The following PTPRD variants were observed in gnomAD, a reference collection of about 807,000 sequenced individuals.
PTPRD encodes receptor-type tyrosine-protein phosphatase delta.
A neutral mutation model predicts 214.5 loss-of-function variants in PTPRD; 34 were observed. That is an observed-to-expected ratio of 0.16 (90% confidence interval 0.12 to 0.21). The LOEUF (loss-of-function observed/expected upper bound fraction) is 0.21. Among genes scored for constraint, PTPRD ranks in the 10% least tolerant of loss-of-function variants. The pLI is 1.00. For synonymous variants in PTPRD, 1,128 were observed against 845.7 expected, an observed-to-expected ratio of 1.33 and a Z score of -5.79; for missense variants, 2,545 against 2,398.7, an observed-to-expected ratio of 1.06 and a Z score of -1.27.
chr9:8,998,817 C>T (rs114471718), intron 11 of PTPRD, among the ~76,000 whole-genome samples: 68 of 152,070 alleles, frequency 4.5e-4, no homozygotes, highest in African/African-American at 1.6e-3. Flanking sequence ...AAAATATCAA[C>T]ATTAATAGTT....
intron 21 of PTPRD, among the ~76,000 whole-genome samples, chr9:8,516,268 C>A (rs1035271723): frequency 6.6e-6 from 1 of 152,034 alleles, no homozygotes; most frequent in Non-Finnish European, 1.5e-5. Context: ...CATATTACTA[C>A]AGCAAATAAA....
chr9:9,175,258 C>T (rs1012259847), intron 10 of PTPRD, among the ~76,000 whole-genome samples: 3 of 152,020 alleles, frequency 2.0e-5, no homozygotes, highest in African/African-American at 7.2e-5. Context: ...AACAATTAAC[C>T]ACTAAAATCT....
chr9:9,325,777 C>T (rs1467906332), intron 9 of PTPRD, among the ~76,000 whole-genome samples: 1 of 152,136 alleles, frequency 6.6e-6, no homozygotes, highest in Non-Finnish European at 1.5e-5. Context: ...TGCCAGTTTT[C>T]AAAGGGAATG....
intron 12 of PTPRD, among the ~76,000 whole-genome samples, chr9:8,681,285 A>C (rs951821394): frequency 1.3e-5 from 2 of 152,200 alleles, no homozygotes; most frequent in African/African-American, 4.8e-5. Context: ...TTTTATTTAC[A>C]TGTTTGTTTC....
intron 7 of PTPRD, among the ~76,000 whole-genome samples, chr9:9,657,764 C>G (rs776004685): frequency 8.5e-5 from 13 of 152,192 alleles, no homozygotes; most frequent in Admixed American, 3.3e-4. Flanking sequence ...AGGCTTGCCA[C>G]ATGGGGGCAA....
intron 9 of PTPRD, among the ~76,000 whole-genome samples, chr9:9,359,384 C>T (rs1269853369): frequency 1.3e-5 from 2 of 151,244 alleles, no homozygotes; most frequent in Admixed American, 1.3e-4. Context: ...CATGACTTCA[C>T]ATTCAATTTC....
intron 5 of PTPRD, among the ~76,000 whole-genome samples, chr9:9,822,606 G>A (rs2051182692): frequency 6.7e-6 from 1 of 150,152 alleles, no homozygotes; most frequent in Non-Finnish European, 1.5e-5. Flanking sequence ...TAAATTATTT[G>A]TAATGTTATT....
chr9:9,631,410 A>G (rs2095590182), intron 7 of PTPRD, among the ~76,000 whole-genome samples: 1 of 152,132 alleles, frequency 6.6e-6, no homozygotes, highest in African/African-American at 2.4e-5. Flanking sequence ...TTCAGCCACA[A>G]GTTATTCTTT....
intron 5 of PTPRD, among the ~76,000 whole-genome samples, chr9:9,875,240 T>C (rs554010356): frequency 2.0e-5 from 3 of 152,112 alleles, no homozygotes; most frequent in Non-Finnish European, 4.4e-5. Flanking sequence ...ATCCTTTATG[T>C]TTATTTTACA....
intron 14 of PTPRD, among the ~76,000 whole-genome samples, chr9:8,600,953 G>A (rs2094820335): frequency 6.6e-6 from 1 of 152,058 alleles, no homozygotes; most frequent in Non-Finnish European, 1.5e-5. Flanking sequence ...TAAAGCACCA[G>A]GCAGGCTCTC....
intron 26 of PTPRD, among the ~76,000 whole-genome samples, chr9:8,493,209 A>T (rs766740139): frequency 4.6e-5 from 7 of 152,164 alleles, no homozygotes; most frequent in Non-Finnish European, 1.0e-4. Context: ...TTAGTCAAAG[A>T]CATGAAATCT....
chr9:9,916,815 G>C (rs1934958644), intron 5 of PTPRD, among the ~76,000 whole-genome samples: 2 of 151,934 alleles, frequency 1.3e-5, no homozygotes, highest in Admixed American at 6.6e-5. Flanking sequence ...CTCCAGGATT[G>C]ACATGTTAGG....
chr9:9,450,095 GGTGTGTGTGT>G (rs535344466), intron 8 of PTPRD, among the ~76,000 whole-genome samples: 5 of 146,010 alleles, frequency 3.4e-5, no homozygotes, highest in South Asian at 2.2e-4. Flanking sequence ...AGTATTCCAT[GGTGTGTGTGT>G]GTGTGTGTGT....
intron 2 of PTPRD, among the ~76,000 whole-genome samples, chr9:10,360,902 G>C (rs150716215): frequency 1.3e-5 from 2 of 151,958 alleles, no homozygotes; most frequent in Non-Finnish European, 2.9e-5. Flanking sequence ...GGAGATCGAG[G>C]CCATCCTGGC....
chr9:8,448,629 A>G (rs1469830550), intron 34 of PTPRD, among the ~76,000 whole-genome samples: 3 of 152,190 alleles, frequency 2.0e-5, no homozygotes, highest in Non-Finnish European at 4.4e-5. Context: ...TTTTTTTTAA[A>G]TACCGACATT....
intron 5 of PTPRD, among the ~76,000 whole-genome samples, chr9:9,901,741 C>G (rs2076447850): frequency 6.6e-6 from 1 of 152,108 alleles, no homozygotes; most frequent in Non-Finnish European, 1.5e-5. Context: ...AACTGACTCA[C>G]AGTTCTGGAG....
At position 8,969,828 on chromosome 9, in the gene PTPRD, A is replaced by G. The variant is rs185741780; in HGVS notation, c.-104+48869T>C. Among the ~76,000 whole-genome samples, 5 of 152,136 alleles carry G rather than the reference A, an allele frequency of 3.3e-5. No individual in the cohort carries two copies. The East Asian group carries it at 7.8e-4, about 24-fold the overall frequency. ...AAGTAATAAGAAAGCAAAATCAACA[A>G]AAGACCCAGACTTTTTATAGAGTTT... On this transcript the variant is annotated intron_variant, in intron 11 of 45. Transcript: ENST00000381196.
chr9:9,970,429 CAAA>C (rs35445219), intron 4 of PTPRD, among the ~76,000 whole-genome samples: 14 of 92,158 alleles, frequency 1.5e-4, no homozygotes, highest in Admixed American at 2.4e-4. Flanking sequence ...GACTCCTTCT[CAAA>C]AAAAAAAAAA....
intron 5 of PTPRD, among the ~76,000 whole-genome samples, chr9:9,767,105 T>A (rs1051268779): frequency 6.6e-6 from 1 of 151,904 alleles, no homozygotes; most frequent in African/African-American, 2.4e-5. Context: ...TTCCTTTATG[T>A]CTTAAAATAA....
Sources: gnomAD v4.1 joint callset for allele counts (sites outside exome capture counted in the v4.1 genomes callset) on GRCh38, gnomAD v4.1.1 for gene constraint, MANE v1.5 for transcripts, NCBI Gene and HGNC (gene_info 2026-07-23, HGNC 2026-07-21) for gene names.